CLIP4: variants seen among roughly 807,000 people sequenced by gnomAD.
CLIP4 encodes the protein CAP-Gly domain containing linker protein family member 4, also known as CAP-Gly domain-containing linker protein 4.
Under a neutral mutation model 73.1 loss-of-function variants are expected in CLIP4, and 47 were observed. That is an observed-to-expected ratio of 0.64 (90% CI 0.51 to 0.82). The LOEUF is 0.82. Ranked by LOEUF, CLIP4 falls within the 40% of genes least tolerant of loss-of-function variation. The probability of loss-of-function intolerance (pLI) is 0.00; values close to 1 mark genes in which losing one functional copy is unlikely to be tolerated. For missense variants in CLIP4, 874 were observed against 852.9 expected, an observed-to-expected ratio of 1.02 and a Z score of -0.31; for synonymous variants, 306 against 295.4, an observed-to-expected ratio of 1.04 and a Z score of -0.37.
intron 2 of CLIP4, chr2:29,130,707 G>A (rs1664911971): frequency 2.5e-6 from 3 of 1,200,558 alleles, no homozygotes; most frequent in African/African-American, 1.6e-5. Flanking sequence ...CTGCTGCTCT[G>A]CTTGTATATG....
intron 8 of CLIP4, 124 bp downstream of exon 8, chr2:29,145,491 G>A (rs1666093129): frequency 4.1e-6 from 3 of 738,356 alleles, no homozygotes; most frequent in Non-Finnish European, 6.4e-6. Context: ...GCATGTGGAT[G>A]TAGGGAGGAC....
chr2:29,145,542 G>A (rs932577997), intron 8 of CLIP4, among the ~76,000 whole-genome samples, 175 bp downstream of exon 8: 18 of 152,130 alleles, frequency 1.2e-4, no homozygotes, highest in African/African-American at 3.9e-4. Flanking sequence ...TTACACTGAC[G>A]AGAGGCGACG....
At chr2:29,132,032 A>G (rs1665005555) in intron 3 of CLIP4, 120 bp from the exon 4 acceptor site, 2 of 698,720 alleles carry the variant, frequency 2.9e-6, no homozygotes, top group Non-Finnish European at 2.5e-6. Flanking sequence ...CATACTGTCT[A>G]TACATTTTAC....
intron 11 of CLIP4, among the ~76,000 whole-genome samples, chr2:29,159,662 C>T (rs1667155741): frequency 8.0e-6 from 1 of 124,276 alleles, no homozygotes; most frequent in Non-Finnish European, 1.6e-5. Flanking sequence ...GCTTGGTCAA[C>T]ACAGCAAGAC....
At chr2:29,116,291 A>G (rs1663828363) in intron 1 of CLIP4, among the ~76,000 whole-genome samples, 1 of 152,206 alleles carries the variant, frequency 6.6e-6, no homozygotes, top group South Asian at 2.1e-4. Context: ...CAGGCTGTTC[A>G]CGTCATCCAG....
intron 1 of CLIP4, among the ~76,000 whole-genome samples, chr2:29,101,614 T>C (rs558688061): frequency 1.3e-5 from 2 of 152,292 alleles, no homozygotes; most frequent in African/African-American, 4.8e-5. Flanking sequence ...ACTCAAATGT[T>C]AATCCTTTGA....
chr2:29,171,736 T>G (rs977408100), intron 14 of CLIP4, among the ~76,000 whole-genome samples: 1 of 152,108 alleles, frequency 6.6e-6, no homozygotes, highest in Non-Finnish European at 1.5e-5. Flanking sequence ...GCCAGGGTGG[T>G]CTTGATCTCC....
chr2:29,104,923 G>A (rs556058391), intron 1 of CLIP4, among the ~76,000 whole-genome samples: 9 of 152,278 alleles, frequency 5.9e-5, no homozygotes, highest in African/African-American at 2.2e-4. Context: ...GCAAGTGGGC[G>A]GCAAGCCAGT....
chr2:29,156,920 C>T (rs1423991817), intron 10 of CLIP4, among the ~76,000 whole-genome samples: 1 of 152,032 alleles, frequency 6.6e-6, no homozygotes, highest in Non-Finnish European at 1.5e-5. Context: ...GACTGATGGT[C>T]ATTAGATTAG....
chr2:29,159,606 G>T (rs924008064), intron 11 of CLIP4, among the ~76,000 whole-genome samples: 2 of 150,798 alleles, frequency 1.3e-5, no homozygotes, highest in African/African-American at 4.9e-5. Flanking sequence ...TAGCACTTTG[G>T]GAAGCTGAGG....
chr2:29,097,830 C>T (rs995911955), exon 1 of CLIP4: 2 of 152,212 alleles, frequency 1.3e-5, no homozygotes, highest in African/African-American at 4.8e-5. Flanking sequence ...TGAAAACACC[C>T]ATTTCCATGC....
intron 6 of CLIP4, among the ~76,000 whole-genome samples, chr2:29,139,812 T>C (rs1665633380): frequency 6.6e-6 from 1 of 152,160 alleles, no homozygotes; most frequent in Non-Finnish European, 1.5e-5. Context: ...GAGGATCTTT[T>C]ACATTTCTGT....
At chr2:29,119,378 G>A (rs1429760111) in intron 1 of CLIP4, among the ~76,000 whole-genome samples, 1 of 152,136 alleles carries the variant, frequency 6.6e-6, no homozygotes, top group African/African-American at 2.4e-5. Flanking sequence ...AAGGTGCTCT[G>A]GGGATCACTT....
At chr2:29,136,393 C>T (rs935481108) in intron 6 of CLIP4, among the ~76,000 whole-genome samples, 1 of 152,012 alleles carries the variant, frequency 6.6e-6, no homozygotes, top group African/African-American at 2.4e-5. Flanking sequence ...AGTTTTCTTT[C>T]TGTTTAACCC....
At chr2:29,172,666 ATTTTTC>A (rs1423476579) in intron 14 of CLIP4, among the ~76,000 whole-genome samples, 4 of 151,588 alleles carry the variant, frequency 2.6e-5, no homozygotes, top group African/African-American at 9.7e-5. Context: ...CTCCTTTATT[ATTTTTC>A]TTAGCTCCTT....
At chr2:29,133,207 A>G (rs1438419739) in intron 4 of CLIP4, among the ~76,000 whole-genome samples, 1 of 152,172 alleles carries the variant, frequency 6.6e-6, no homozygotes, top group Non-Finnish European at 1.5e-5. Flanking sequence ...AAAGAATAAA[A>G]GGCATAAGAC....
intron 1 of CLIP4, among the ~76,000 whole-genome samples, chr2:29,108,930 G>A (rs929021909): frequency 5.9e-5 from 9 of 152,176 alleles, no homozygotes; most frequent in Non-Finnish European, 1.0e-4. Flanking sequence ...TGCAGGCTGT[G>A]GATGGAGCTC....
chr2:29,182,592 T>G lies in CLIP4; in HGVS notation c.*699T>G, dbSNP rs2148128978. 1 of 152,710 alleles carries G rather than the reference T, an allele frequency of 6.5e-6. No homozygotes were observed. The highest frequency in any genetic ancestry group is 1.9e-4 in the East Asian group (1 of 5,174). The allele number at this position is 152,710 out of a possible 1,614,324, so 9.5% of individuals were successfully genotyped here. A position where few individuals can be genotyped will look rare whatever the true frequency, so the allele number is the denominator to read the frequency against. On this transcript the variant is annotated 3_prime_UTR_variant, in exon 16 of 16. Coordinates refer to ENST00000320081, the MANE Select transcript of CLIP4 (RefSeq NM_024692.6). The stretch of plus-strand genomic sequence containing the variant: ...AATAGACTGTGGGTCTCCTCACTTG[T>G]GGCCCAGTGCTCTTTCTGCTATACA...
At chr2:29,118,838 A>T (rs1186295877) in intron 1 of CLIP4, among the ~76,000 whole-genome samples, 3 of 152,106 alleles carry the variant, frequency 2.0e-5, no homozygotes, top group African/African-American at 7.2e-5. Flanking sequence ...ATATATATAT[A>T]TATTTTTAAC....
Sources: allele counts gnomAD v4.1 joint callset (sites outside exome capture counted in the v4.1 genomes callset), GRCh38; gene constraint gnomAD v4.1.1; transcripts MANE v1.5; gene names NCBI Gene and HGNC (gene_info 2026-07-23, HGNC 2026-07-21).